The following NEDD8 variants were observed in gnomAD, a reference collection of about 807,000 sequenced individuals.
NEDD8 encodes the protein NEDD8 ubiquitin like modifier.
In NEDD8, 1 loss-of-function variant was observed where a neutral mutation model predicts 13.8. The ratio of observed to expected loss-of-function variants is 0.07; its 90% CI spans 0.03 to 0.34. NEDD8 has a LOEUF of 0.34. Ranked by LOEUF, NEDD8 falls within the 10% of genes least tolerant of loss-of-function variation. The probability of loss-of-function intolerance (pLI) is 0.99; values close to 1 mark genes in which losing one functional copy is unlikely to be tolerated. For missense variants in NEDD8, 10 were observed against 95.2 expected, an observed-to-expected ratio of 0.10 and a Z score of 3.73; for synonymous variants, 31 against 33.2, an observed-to-expected ratio of 0.93 and a Z score of 0.23.
At chr14:24,223,655 C>A (rs1336665824) in intron 1 of NEDD8, among the ~76,000 whole-genome samples, 3 of 151,396 alleles carry the variant, frequency 2.0e-5, no homozygotes, top group Non-Finnish European at 4.4e-5. Context: ...CTGAAAGTAT[C>A]ATCCCACCTC....
At chr14:24,218,322 A>G (rs1004526685) in intron 2 of NEDD8, 62 bp downstream of exon 2, 3 of 1,614,028 alleles carry the variant, frequency 1.9e-6, no homozygotes, top group South Asian at 1.1e-5. Context: ...CCAAGTTCAT[A>G]AGCATATGCA....
intron 1 of NEDD8, chr14:24,226,588 A>G (rs931426396): frequency 2.0e-5 from 3 of 152,212 alleles, no homozygotes. Flanking sequence ...TAAGCCTTGA[A>G]TGAGATAACA....
At chr14:24,222,981 G>A (rs1207018590) in intron 1 of NEDD8, among the ~76,000 whole-genome samples, 2 of 151,044 alleles carry the variant, frequency 1.3e-5, no homozygotes, top group African/African-American at 4.9e-5. Flanking sequence ...AGCTACTGGG[G>A]AGGCTGAGGC....
At chr14:24,222,662 A>G (rs1396174555) in intron 1 of NEDD8, among the ~76,000 whole-genome samples, 1 of 152,236 alleles carries the variant, frequency 6.6e-6, no homozygotes, top group African/African-American at 2.4e-5. Flanking sequence ...AAGTTCTTTA[A>G]GAGGTAAAAT....
chr14:24,219,784 G>A (rs572252887), intron 1 of NEDD8, among the ~76,000 whole-genome samples: 2 of 152,214 alleles, frequency 1.3e-5, no homozygotes, highest in South Asian at 2.1e-4. Flanking sequence ...CTTTGCTTCC[G>A]TTATTTTCCT....
chr14:24,221,823 C>T (rs941226478), intron 1 of NEDD8, among the ~76,000 whole-genome samples: 82 of 151,346 alleles, frequency 5.4e-4, no homozygotes, highest in African/African-American at 1.5e-3. Context: ...CTTGAACTCC[C>T]GACCTCAGGT....
At chr14:24,224,405 A>AGGCTGGTC (rs1407729046) in intron 1 of NEDD8, among the ~76,000 whole-genome samples, 2 of 152,180 alleles carry the variant, frequency 1.3e-5, no homozygotes, top group Non-Finnish European at 1.5e-5. Context: ...AATGTTGTCC[A>AGGCTGGTC]GGCTGGTCTC....
chr14:24,226,646 C>T (rs1174887532), intron 1 of NEDD8: 1 of 151,936 alleles, frequency 6.6e-6, no homozygotes, highest in Non-Finnish European at 1.5e-5. Context: ...CATTATAACA[C>T]TATAATAGCC....
chr14:24,226,675 A>C (rs1313052384), intron 1 of NEDD8: 4 of 152,180 alleles, frequency 2.6e-5, no homozygotes, highest in Non-Finnish European at 5.9e-5. Context: ...AATGACTGAC[A>C]TCAGCATTTT....
intron 1 of NEDD8, among the ~76,000 whole-genome samples, chr14:24,222,855 G>A (rs958384646): frequency 6.6e-6 from 1 of 152,020 alleles, no homozygotes; most frequent in Non-Finnish European, 1.5e-5. Context: ...TTAGGAGGCC[G>A]AGGGGGCGGA....
chr14:24,218,745 G>GATTT lies in NEDD8; in HGVS notation c.19-318_19-315dup, dbSNP rs373989716. On this transcript the variant is annotated intron_variant, in intron 1 of 3. Transcript: ENST00000250495. ...ATTTTAGATGATACGGCAATGAAAG[G>GATTT]ATTTATTTATTTATTTTTGAGATGG... The GATTT allele has an allele frequency of 1.7e-5, 7 of 405,134 alleles. No individual in the cohort carries two copies. The Admixed American group carries it at 2.9e-4, about 17-fold the overall frequency. 25.1% of individuals were successfully genotyped at this position (405,134 alleles called of 1,614,324 possible).
intron 1 of NEDD8, among the ~76,000 whole-genome samples, chr14:24,226,145 G>A (rs73604981): frequency 0.027 from 4,147 of 151,786 alleles, 192 homozygotes; most frequent in African/African-American, 0.095. Flanking sequence ...ATCAAGCGAA[G>A]ATGTACAACC....
chr14:24,227,073 G>A (rs1171538013), intron 1 of NEDD8: 1 of 152,140 alleles, frequency 6.6e-6, no homozygotes, highest in Non-Finnish European at 1.5e-5. Context: ...TACAAAAATT[G>A]TACATTCAAT....
chr14:24,229,931 C>G (rs565064136), intron 1 of NEDD8, among the ~76,000 whole-genome samples: 4 of 151,732 alleles, frequency 2.6e-5, no homozygotes, highest in Non-Finnish European at 4.4e-5. Context: ...ATTAGCTGGG[C>G]GTGGTGGCAC....
At chr14:24,221,462 T>A (rs573190976) in intron 1 of NEDD8, among the ~76,000 whole-genome samples, 3 of 152,022 alleles carry the variant, frequency 2.0e-5, no homozygotes, top group African/African-American at 7.2e-5. Context: ...GTATTTTTAG[T>A]AGAGATGGGG....
At chr14:24,225,508 G>A (rs1416813107) in intron 1 of NEDD8, among the ~76,000 whole-genome samples, 4 of 152,144 alleles carry the variant, frequency 2.6e-5, no homozygotes, top group Non-Finnish European at 5.9e-5. Flanking sequence ...ATGCTAGCTG[G>A]AATTTGCTTT....
chr14:24,222,574 G>C (rs1024159514), intron 1 of NEDD8, among the ~76,000 whole-genome samples: 5 of 152,140 alleles, frequency 3.3e-5, no homozygotes, highest in African/African-American at 9.7e-5. Context: ...GTAAGATTTT[G>C]TAAAGCAGCA....
chr14:24,219,232 C>A (rs936680936), intron 1 of NEDD8, among the ~76,000 whole-genome samples: 1 of 151,318 alleles, frequency 6.6e-6, no homozygotes, highest in East Asian at 1.9e-4. Context: ...GAGACTGAGG[C>A]GGGAGGATCA....
intron 1 of NEDD8, chr14:24,228,789 T>C (rs57013328): frequency 1.3e-5 from 2 of 152,042 alleles, no homozygotes; most frequent in East Asian, 3.9e-4. Context: ...AACAGCTCTT[T>C]TTTTTCTTTT....
Sources: gnomAD v4.1 joint callset for allele counts (sites outside exome capture counted in the v4.1 genomes callset) on GRCh38, gnomAD v4.1.1 for gene constraint, MANE v1.5 for transcripts, NCBI Gene and HGNC (gene_info 2026-07-23, HGNC 2026-07-21) for gene names.